Variants in PIEZO2 observed in about 807,000 individuals in gnomAD.
PIEZO2 encodes the protein piezo type mechanosensitive ion channel component 2, also known as piezo-type mechanosensitive ion channel component 2.
In PIEZO2, 172 loss-of-function variants were observed where a neutral mutation model predicts 337.3. The ratio of observed to expected loss-of-function variants is 0.51; its 90% CI spans 0.45 to 0.58. The LOEUF (loss-of-function observed/expected upper bound fraction) is 0.58. PIEZO2 is among the 20% of genes least tolerant of loss of function. PIEZO2 has a pLI of 0.00. For missense variants in PIEZO2, 3,028 were observed against 3,391.3 expected (o/e 0.89, Z 2.66); for synonymous variants, 1,251 against 1,228.5 (o/e 1.02, Z -0.38).
intron 4 of PIEZO2, among the ~76,000 whole-genome samples, chr18:10,887,060 A>G (rs1350897944): frequency 2.6e-5 from 3 of 114,432 alleles, no homozygotes; most frequent in Non-Finnish European, 5.1e-5. Context: ...TGGGGAGGTG[A>G]CACACTTTTT....
Position 10,784,838 on chromosome 18 carries a change from A to G in PIEZO2, c.2438T>C (p.Leu813Pro). Reference sequence around the variant, plus strand: ...AATGGACTTGAGGTCTGTGAGTTCAAGGAACCGGTCATGGAAGTAGTGCAG... The same window carrying G: ...AATGGACTTGAGGTCTGTGAGTTCAGGGAACCGGTCATGGAAGTAGTGCAG... ...LHLHYFHDRF[L>P]ELTDLKSIPS... The change falls in exon 17 of 56, where the codon CTT becomes CCT. Residue 813 changes from leucine to proline, a missense_variant. By Grantham distance (98) the Leu-to-Pro change is moderately conservative (BLOSUM62 -3). Coordinates refer to ENST00000674853, the MANE Select transcript of PIEZO2 (RefSeq NM_001378183.1). The surrounding 1 kb of genome is among the most constrained non-coding windows in gnomAD (Gnocchi z 4.5). 6.5e-7 allele frequency: 1 copy of G among 1,537,732 alleles called. No homozygotes were observed. The highest frequency in any genetic ancestry group is 8.7e-7 in the Non-Finnish European group (1 of 1,146,948).
At chr18:11,137,399 A>C (rs1425538513) in intron 1 of PIEZO2, among the ~76,000 whole-genome samples, 1 of 152,214 alleles carries the variant, frequency 6.6e-6, no homozygotes, top group Non-Finnish European at 1.5e-5. Flanking sequence ...TTTAATATTA[A>C]AAAAGGCATG....
Position 11,143,037 on chromosome 18 carries a change from C to T in PIEZO2, c.64+5488G>A, listed in dbSNP as rs554935691. ...GAGCTTGCAGTGAGCCAAGATCACG[C>T]CACTGCACTCCAGCCTGGGTGACAG... On this transcript the variant is annotated intron_variant, in intron 1 of 55. Coordinates refer to ENST00000674853, the MANE Select transcript of PIEZO2 (RefSeq NM_001378183.1). The surrounding 1 kb of genome is among the most constrained non-coding windows in gnomAD (Gnocchi z 4.9). 5.3e-5 allele frequency among the ~76,000 whole-genome samples: 8 copies of T among 152,242 alleles called. No individual in the cohort carries two copies. Among genetic ancestry groups the T allele is most frequent in the Admixed American group, 5.2e-4 (8 of 15,292 alleles).
intron 4 of PIEZO2, chr18:10,893,567 C>T: frequency 6.6e-6 from 1 of 152,188 alleles, no homozygotes; most frequent in East Asian, 1.9e-4. Flanking sequence ...TCCATATGAA[C>T]AGTGAGCTTT....
chr18:10,818,282 C>T (rs557406214), intron 7 of PIEZO2, among the ~76,000 whole-genome samples: 2 of 152,142 alleles, frequency 1.3e-5, no homozygotes, highest in East Asian at 1.9e-4. Flanking sequence ...GAATTCAGCA[C>T]GGCTTTAAAA....
rs139150564 is a variant in PIEZO2, at chr18:11,132,615, C to T, written c.64+15910G>A. Reference sequence around the variant, plus strand: ...GATCCACTAGCAAAATTTTTGCTTCCTGTTCCCGTGACATTACGTTCTGCT... The same window carrying T: ...GATCCACTAGCAAAATTTTTGCTTCTTGTTCCCGTGACATTACGTTCTGCT... On this transcript the variant is annotated intron_variant, in intron 1 of 55. Transcript: ENST00000674853. This position sits in a 1 kb window ranked among gnomAD's most constrained non-coding sequence, Gnocchi z 4.7. Among the ~76,000 whole-genome samples, 3 of 152,268 alleles carry T rather than the reference C, an allele frequency of 2.0e-5. No individual in the cohort carries two copies. The highest frequency in any genetic ancestry group is 4.4e-5 in the Non-Finnish European group (3 of 68,028).
intron 1 of PIEZO2, among the ~76,000 whole-genome samples, chr18:11,142,711 G>C (rs1293502608): frequency 1.3e-5 from 2 of 151,162 alleles, no homozygotes; most frequent in East Asian, 3.9e-4. Flanking sequence ...AACCCCAGAG[G>C]TGGAGGTTGC....
At chr18:10,776,999 G>C (rs2038813366) in intron 18 of PIEZO2, among the ~76,000 whole-genome samples, 1 of 152,102 alleles carries the variant, frequency 6.6e-6, no homozygotes, top group Non-Finnish European at 1.5e-5. Flanking sequence ...TGAATATCAG[G>C]TGCAAATTAC....
At chr18:11,144,728 G>T (rs2040762891) in intron 1 of PIEZO2, among the ~76,000 whole-genome samples, 1 of 152,186 alleles carries the variant, frequency 6.6e-6, no homozygotes, top group Non-Finnish European at 1.5e-5. Context: ...GTGGGACACA[G>T]TCCCCTTTTC....
At chr18:11,000,820 G>C (rs752156135) in intron 2 of PIEZO2, among the ~76,000 whole-genome samples, 2 of 152,166 alleles carry the variant, frequency 1.3e-5, no homozygotes, top group African/African-American at 4.8e-5. Context: ...GGAGCAGACT[G>C]AGGCAAAAGA....
At chr18:10,906,049 G>A (rs2029893329) in intron 4 of PIEZO2, among the ~76,000 whole-genome samples, 1 of 152,114 alleles carries the variant, frequency 6.6e-6, no homozygotes, top group Admixed American at 6.5e-5. Context: ...CTGGGGAAGA[G>A]GCTTGCTGAC....
At chr18:11,064,500 T>A (rs929168305) in intron 2 of PIEZO2, among the ~76,000 whole-genome samples, 1 of 152,216 alleles carries the variant, frequency 6.6e-6, no homozygotes, top group African/African-American at 2.4e-5. Flanking sequence ...TATTTCTTTA[T>A]GCAGAGAGGA....
rs2038142755 is a variant in PIEZO2 at position 11,066,173 on chromosome 18, G to C, written c.114C>G (p.Leu38=). 1 of 1,536,888 alleles carries C rather than the reference G, an allele frequency of 6.5e-7. No homozygotes were observed. Among genetic ancestry groups the C allele is most frequent in the Non-Finnish European group, 8.7e-7 (1 of 1,146,672 alleles). Residue 38 remains leucine (L), a synonymous_variant, in exon 2 of 56, where the codon CTC becomes CTG. Transcript: ENST00000674853. ...NGLSFVYLIY[L]LLIPLFSEPT... ...GTTCTGAGAACAGAGGAATGAGCAA[G>C]AGGTAGATAAGGTAGACAAAGGAGA...
chr18:10,720,516 G>C (rs2036267055), intron 36 of PIEZO2, among the ~76,000 whole-genome samples: 1 of 137,946 alleles, frequency 7.2e-6, no homozygotes, highest in Non-Finnish European at 1.5e-5. Context: ...GGAGTGCAAT[G>C]GTGTGATCAT....
chr18:10,671,614 C>G lies in PIEZO2; in HGVS notation c.8511G>C (p.Glu2837Asp). The change falls in exon 56 of 56, where the codon GAG becomes GAC. Residue 2837 changes from glutamate (E) to aspartate (D), a missense_variant. By Grantham distance (45) the Glu-to-Asp change is conservative. Transcript: ENST00000674853. Reference sequence around the variant, plus strand: ...ATTTGGCATAGAGATCTTCTTCTAGCTCCAGTTCTCCTGTCTCTCGAACTA... The same window carrying G: ...ATTTGGCATAGAGATCTTCTTCTAGGTCCAGTTCTCCTGTCTCTCGAACTA... ...IFLVRETGELELEEDLYAKLI... is the reference protein window; with the variant it reads ...IFLVRETGELDLEEDLYAKLI... 6.2e-7 allele frequency: 1 copy of G among 1,613,950 alleles called. No individual in the cohort carries two copies. Among genetic ancestry groups the G allele is most frequent in the Non-Finnish European group, 8.5e-7 (1 of 1,179,936 alleles).
chr18:10,764,337 G>A (rs1014895897), intron 21 of PIEZO2, among the ~76,000 whole-genome samples: 2 of 152,086 alleles, frequency 1.3e-5, no homozygotes, highest in South Asian at 4.1e-4. Context: ...TACCTACTTG[G>A]CTTATAAAAC....
chr18:11,107,840 G>A (rs750637514), intron 1 of PIEZO2, among the ~76,000 whole-genome samples: 2 of 152,188 alleles, frequency 1.3e-5, no homozygotes, highest in Non-Finnish European at 1.5e-5. Flanking sequence ...CCTCCTCCCT[G>A]AGCATTTCTG....
At chr18:10,786,408 G>C (rs2039226773) in intron 16 of PIEZO2, among the ~76,000 whole-genome samples, 1 of 152,192 alleles carries the variant, frequency 6.6e-6, no homozygotes. Context: ...TGTTGGTGTA[G>C]TTACACAGTT....
In PIEZO2 at chr18:10,878,653, A is replaced by C. The variant is rs2042329604; in HGVS notation, c.330-7238T>G. ...AATTTTTAATTCACTAATTCAAAAA[A>C]ATTATTAAGCACTTACTATGTGCCA... On this transcript the variant is annotated intron_variant, in intron 4 of 55. Coordinates refer to ENST00000674853, the MANE Select transcript of PIEZO2 (RefSeq NM_001378183.1). The surrounding 1 kb of genome is among the most constrained non-coding windows in gnomAD (Gnocchi z 4.3). Among the ~76,000 whole-genome samples the C allele has an allele frequency of 6.6e-6, 1 of 152,230 alleles. No homozygotes were observed. Among genetic ancestry groups the C allele is most frequent in the Non-Finnish European group, 1.5e-5 (1 of 68,044 alleles).
Sources: allele counts gnomAD v4.1 joint callset (sites outside exome capture counted in the v4.1 genomes callset), GRCh38; gene constraint gnomAD v4.1.1; non-coding constraint Gnocchi (gnomAD v3.1); transcripts MANE v1.5; gene names NCBI Gene and HGNC (gene_info 2026-07-23, HGNC 2026-07-21).